CELSR1: variants seen among roughly 807,000 people sequenced by gnomAD.
CELSR1 encodes adhesion G protein-coupled receptor C1.
Under a neutral mutation model 249.1 loss-of-function variants are expected in CELSR1, and 110 were observed. The observed-to-expected ratio is 0.44, with a 90% CI of 0.38 to 0.52. The LOEUF is 0.52. Ranked by LOEUF, CELSR1 falls within the 20% of genes least tolerant of loss-of-function variation. CELSR1 has a pLI of 0.00. For synonymous variants in CELSR1, 2,113 were observed against 1,900.0 expected, an observed-to-expected ratio of 1.11 and a Z score of -2.92; for missense variants, 4,109 against 4,296.4, an observed-to-expected ratio of 0.96 and a Z score of 1.22.
At chr22:46,444,394 G>A (rs1455032130) in intron 2 of CELSR1, among the ~76,000 whole-genome samples, 2 of 152,228 alleles carry the variant, frequency 1.3e-5, no homozygotes, top group South Asian at 2.1e-4. Flanking sequence ...GAGGCTGACC[G>A]ATATAAGCTT....
rs1469876695 is a variant in CELSR1, at chr22:46,534,991, C to T, written c.2180G>A (p.Gly727Asp). 1 of 1,611,892 alleles carries T rather than the reference C, an allele frequency of 6.2e-7. No homozygotes were observed. Among genetic ancestry groups the T allele is most frequent in the South Asian group, 1.1e-5 (1 of 91,060 alleles). The change falls in exon 1 of 35, where the codon GGC becomes GAC. Residue 727 changes from glycine to aspartate, a missense_variant. Gly to Asp is a moderately conservative substitution (Grantham distance 94). Transcript: ENST00000674500. This position sits in a 1 kb window ranked among gnomAD's most constrained non-coding sequence, Gnocchi z 9.7. ...GAGTGCAAAGCGGTTCCGGGTGTTG[C>T]CGCCTGTGAGCTGGTAGGTAATCAC... is the stretch of plus-strand genomic sequence containing the variant. ...NSVITYQLTGGNTRNRFALSS... is the reference protein window; with the variant it reads ...NSVITYQLTGDNTRNRFALSS...
chr22:46,396,906 A>G lies in CELSR1; in HGVS notation c.5702-160T>C, dbSNP rs1192041315. The stretch of plus-strand genomic sequence containing the variant: ...ACAGAGTCCCCGAAAACACAGCGTT[A>G]GGCGGGTTAGACTTAGTGATGCAGA... On this transcript the variant is annotated intron_variant, in intron 12 of 34. Transcript: ENST00000674500. The surrounding 1 kb of genome is among the most constrained non-coding windows in gnomAD (Gnocchi z 6.4). Among the ~76,000 whole-genome samples the G allele has an allele frequency of 6.6e-6, 1 of 152,190 alleles. No homozygotes were observed. Among genetic ancestry groups the G allele is most frequent in the Non-Finnish European group, 1.5e-5 (1 of 68,030 alleles).
rs1245838204 is a variant in CELSR1 at position 46,534,239 on chromosome 22, G to A, written c.2932C>T (p.Pro978Ser). ...ALAVDRGSPT[P>S]LSASVEIQVT... is the part of the protein sequence containing the mutation. ...TGGATTTCTACCGAGGCGCTAAGGG[G>A]AGTGGGACTGCCCCGATCCACAGCC... The change falls in exon 1 of 35, where the codon CCC becomes TCC. Residue 978 changes from proline to serine, a missense_variant. Pro to Ser is a moderately conservative substitution (Grantham distance 74). Transcript: ENST00000674500. This position sits in a 1 kb window ranked among gnomAD's most constrained non-coding sequence, Gnocchi z 9.7. 5 of 1,613,702 alleles carry A rather than the reference G, an allele frequency of 3.1e-6. No individual in the cohort carries two copies. The highest frequency in any genetic ancestry group is 4.2e-6 in the Non-Finnish European group (5 of 1,180,042).
rs2079741563 is a variant in CELSR1 at position 46,441,090 on chromosome 22, T to A, written c.4184-1679A>T. 6.6e-6 allele frequency among the ~76,000 whole-genome samples: 1 copy of A among 150,676 alleles called. No homozygotes were observed. The highest frequency in any genetic ancestry group is 6.6e-5 in the Admixed American group (1 of 15,142). On this transcript the variant is annotated intron_variant, in intron 2 of 34. Transcript: ENST00000674500. This position sits in a 1 kb window ranked among gnomAD's most constrained non-coding sequence, Gnocchi z 6.1. ...ACTGCTTCAACCCGGGAGGCGGAGG[T>A]TGTAGCGAGCCGAGGTCACACTACC... is the stretch of plus-strand genomic sequence containing the variant.
rs767677436 is a variant in CELSR1, at chr22:46,534,757, C to T, written c.2414G>A (p.Gly805Asp). 2.5e-6 allele frequency: 4 copies of T among 1,612,898 alleles called. No homozygotes were observed. The Admixed American group carries it at 6.7e-5, about 27-fold the overall frequency. ...GGCACTGAGGGTAGCAATGGAGGTG[C>T]CCACAGGCCTGTCCTCACTGACACT... Reference protein sequence around the residue: ...TVSVSEDRPVGTSIATLSAND... With the variant: ...TVSVSEDRPVDTSIATLSAND... The change falls in exon 1 of 35, where the codon GGC becomes GAC. Residue 805 changes from glycine to aspartate, a missense_variant. Gly to Asp is a moderately conservative substitution (Grantham distance 94, BLOSUM62 -1). Around this residue, in one of 7 missense-constraint regions of CELSR1, gnomAD observed 886 missense variants for 896.5 expected, o/e 0.99. Transcript: ENST00000674500. This position sits in a 1 kb window ranked among gnomAD's most constrained non-coding sequence, Gnocchi z 9.7.
At position 46,412,816 on chromosome 22, in the gene CELSR1, C is replaced by T. The variant is rs560589481; in HGVS notation, c.4612-1057G>A. On this transcript the variant is annotated intron_variant, in intron 5 of 34. Coordinates refer to ENST00000674500, the MANE Select transcript of CELSR1 (RefSeq NM_001378328.1). The surrounding 1 kb of genome is among the most constrained non-coding windows in gnomAD (Gnocchi z 4.5). ...AAACACAGTTGGTGCCAGCTCCAAC[C>T]GGGACAGGCAACAGAATGTCTTTCA... 1.3e-5 allele frequency among the ~76,000 whole-genome samples: 2 copies of T among 152,196 alleles called. No homozygotes were observed. The highest frequency in any genetic ancestry group is 1.9e-4 in the East Asian group (1 of 5,202).
intron 1 of CELSR1, among the ~76,000 whole-genome samples, chr22:46,483,876 T>G (rs889539068): frequency 6.6e-6 from 1 of 152,192 alleles, no homozygotes; most frequent in Non-Finnish European, 1.5e-5. Flanking sequence ...AATTATTAAC[T>G]GCAGAGGCTT....
chr22:46,506,899 A>G lies in CELSR1; in HGVS notation c.3544+26728T>C, dbSNP rs1292955900. Among the ~76,000 whole-genome samples, 2 of 152,178 alleles carry G rather than the reference A, an allele frequency of 1.3e-5. No homozygotes were observed. The highest frequency in any genetic ancestry group is 1.9e-4 in the East Asian group (1 of 5,192). The stretch of plus-strand genomic sequence containing the variant: ...CACAGGAAGTCCTTTTTTCCAACAC[A>G]TAAAAACCGATTCCAGGCGGGGCGT... On this transcript the variant is annotated intron_variant, in intron 1 of 34. Coordinates refer to ENST00000674500, the MANE Select transcript of CELSR1 (RefSeq NM_001378328.1). The surrounding 1 kb of genome is among the most constrained non-coding windows in gnomAD (Gnocchi z 4.1).
In CELSR1 at chr22:46,402,595, A is replaced by T. The variant is rs2079220631; in HGVS notation, c.5227-2693T>A. On this transcript the variant is annotated intron_variant, in intron 9 of 34. Coordinates refer to ENST00000674500, the MANE Select transcript of CELSR1 (RefSeq NM_001378328.1). The surrounding 1 kb of genome is among the most constrained non-coding windows in gnomAD (Gnocchi z 5.0). ...ATAAAAAATAGCCAAGTATACGAGG[A>T]TATAAGGTAATATGCTTGAAAACCA... 6.6e-6 allele frequency among the ~76,000 whole-genome samples: 1 copy of T among 152,222 alleles called. No homozygotes were observed. The highest frequency in any genetic ancestry group is 6.5e-5 in the Admixed American group (1 of 15,286).
intron 18 of CELSR1, 111 bp from the exon 19 acceptor site, chr22:46,386,696 C>T: frequency 1.2e-6 from 1 of 827,622 alleles, no homozygotes; most frequent in Non-Finnish European, 1.8e-6. Flanking sequence ...TTCATTCATT[C>T]CAGCCCTACA....
chr22:46,387,129 T>C (rs1478374867), intron 18 of CELSR1, among the ~76,000 whole-genome samples: 2 of 152,234 alleles, frequency 1.3e-5, no homozygotes, highest in Non-Finnish European at 2.9e-5. Flanking sequence ...TCACAAAGTA[T>C]ATTAAAATCT....
Position 46,484,279 on chromosome 22 carries a change from G to A in CELSR1, c.3545-19934C>T, listed in dbSNP as rs962386841. ...CAGCTGCTCAGTCCCAAGCAAGACC[G>A]CTGGGAGGGTCCTGCAGGGGACAGA... On this transcript the variant is annotated intron_variant, in intron 1 of 34. Transcript: ENST00000674500. This position sits in a 1 kb window ranked among gnomAD's most constrained non-coding sequence, Gnocchi z 4.5. Among the ~76,000 whole-genome samples the A allele has an allele frequency of 6.6e-6, 1 of 152,166 alleles. No individual in the cohort carries two copies. The highest frequency in any genetic ancestry group is 1.5e-5 in the Non-Finnish European group (1 of 68,034).
rs942580756 is a variant in CELSR1 at position 46,506,849 on chromosome 22, G to A, written c.3544+26778C>T. Among the ~76,000 whole-genome samples, 4 of 152,150 alleles carry A rather than the reference G, an allele frequency of 2.6e-5. No individual in the cohort carries two copies. The highest frequency in any genetic ancestry group is 2.1e-4 in the South Asian group (1 of 4,826). ...GTGTCTTCTCCACGGTCTGTCACCC[G>A]CACCACCAGGACACAGCCTGCACAC... is the stretch of plus-strand genomic sequence containing the variant. On this transcript the variant is annotated intron_variant, in intron 1 of 34. Coordinates refer to ENST00000674500, the MANE Select transcript of CELSR1 (RefSeq NM_001378328.1). This position sits in a 1 kb window ranked among gnomAD's most constrained non-coding sequence, Gnocchi z 4.1.
At chr22:46,451,994 C>A (rs946639886) in intron 2 of CELSR1, among the ~76,000 whole-genome samples, 1 of 152,174 alleles carries the variant, frequency 6.6e-6, no homozygotes, top group African/African-American at 2.4e-5. Flanking sequence ...CCAAGGCCTG[C>A]AGCCACCAGG....
At chr22:46,504,934 T>C (rs932690612) in intron 1 of CELSR1, among the ~76,000 whole-genome samples, 3 of 152,142 alleles carry the variant, frequency 2.0e-5, no homozygotes, top group African/African-American at 7.2e-5. Context: ...TATATTGCAA[T>C]ACATCAACAC....
At position 46,472,761 on chromosome 22, in the gene CELSR1, G is replaced by T. The variant is rs1250090334; in HGVS notation, c.3545-8416C>A. ...GTTCCTCCTGGAGGCTCAGGGGAGG[G>T]TCTGTTCCGGGCCCCTTTCCCTGGG... On this transcript the variant is annotated intron_variant, in intron 1 of 34. Coordinates refer to ENST00000674500, the MANE Select transcript of CELSR1 (RefSeq NM_001378328.1). This position sits in a 1 kb window ranked among gnomAD's most constrained non-coding sequence, Gnocchi z 7.0. Among the ~76,000 whole-genome samples the T allele has an allele frequency of 1.3e-5, 2 of 152,262 alleles. No homozygotes were observed. The highest frequency in any genetic ancestry group is 6.5e-5 in the Admixed American group (1 of 15,296).
chr22:46,377,505 T>C (rs1008760639), intron 23 of CELSR1: 1 of 541,740 alleles, frequency 1.8e-6, no homozygotes. Flanking sequence ...CTCCCTCCAC[T>C]GGCTTGGGGG....
At chr22:46,509,249 C>T (rs1479982640) in intron 1 of CELSR1, among the ~76,000 whole-genome samples, 1 of 152,174 alleles carries the variant, frequency 6.6e-6, no homozygotes, top group Non-Finnish European at 1.5e-5. Flanking sequence ...ACCTGCAAAG[C>T]GGGGGCTCCA....
chr22:46,533,580 C>T (rs1225714424), intron 1 of CELSR1, 47 bp downstream of exon 1: 1 of 1,513,266 alleles, frequency 6.6e-7, no homozygotes, highest in South Asian at 1.3e-5. Context: ...TGAGGCTCTC[C>T]AGGAGGCCCA....
Sources: gnomAD v4.1 joint callset for allele counts (sites outside exome capture counted in the v4.1 genomes callset) on GRCh38, gnomAD v4.1.1 for gene constraint, gnomAD v4.1.1 regional missense constraint, Gnocchi (gnomAD v3.1) non-coding constraint, MANE v1.5 for transcripts, NCBI Gene and HGNC (gene_info 2026-07-23, HGNC 2026-07-21) for gene names.